CTNNBIP1: variants seen among roughly 807,000 people sequenced by gnomAD.
CTNNBIP1 encodes the protein catenin beta interacting protein 1, also known as beta-catenin-interacting protein 1.
A neutral mutation model predicts 11.8 loss-of-function variants in CTNNBIP1; 7 were observed. The ratio of observed to expected loss-of-function variants is 0.60; its 90% CI spans 0.34 to 1.12. The LOEUF (loss-of-function observed/expected upper bound fraction) is 1.12. Ranked by LOEUF, CTNNBIP1 falls within the 50% of genes most tolerant of loss-of-function variation. The probability of loss-of-function intolerance (pLI) is 0.03; values close to 1 mark genes in which losing one functional copy is unlikely to be tolerated. For missense variants in CTNNBIP1, 101 were observed against 113.4 expected (o/e 0.89, Z 0.50); for synonymous variants, 58 against 43.9 (o/e 1.32, Z -1.26).
chr1:9,890,346 G>A (rs1263466533), intron 1 of CTNNBIP1, among the ~76,000 whole-genome samples: 3 of 152,194 alleles, frequency 2.0e-5, no homozygotes, highest in Admixed American at 6.5e-5. Context: ...CCAAGGGGAC[G>A]TGCTGGTGGA....
At chr1:9,879,481 C>T (rs183319417) in intron 2 of CTNNBIP1, among the ~76,000 whole-genome samples, 1 of 150,020 alleles carries the variant, frequency 6.7e-6, no homozygotes, top group Admixed American at 6.6e-5. Flanking sequence ...CTGTAAACCT[C>T]TGACTCTCTG....
At position 9,864,181 on chromosome 1, in the gene CTNNBIP1, C is replaced by T. The variant is rs143084275; in HGVS notation, c.187+7006G>A. Among the ~76,000 whole-genome samples the T allele has an allele frequency of 2.0e-3, 299 of 152,206 alleles. 2 individuals carry two copies. Among genetic ancestry groups the T allele is most frequent in the African/African-American group, 6.7e-3 (277 of 41,526 alleles). ...GGAACAGGCCTGGGAGCCCCGGTGC[C>T]AGCACACAGCTCCCAGAGACAAGAA... is the stretch of plus-strand genomic sequence containing the variant. On this transcript the variant is annotated intron_variant, in intron 5 of 5. Coordinates refer to ENST00000377263, the MANE Select transcript of CTNNBIP1 (RefSeq NM_020248.3).
At chr1:9,887,752 G>A (rs975142154) in intron 1 of CTNNBIP1, among the ~76,000 whole-genome samples, 1 of 151,716 alleles carries the variant, frequency 6.6e-6, no homozygotes, top group African/African-American at 2.4e-5. Context: ...AAAGAAAAAC[G>A]GCTAGAGTCC....
intron 1 of CTNNBIP1, among the ~76,000 whole-genome samples, chr1:9,892,300 T>C (rs1310394654): frequency 1.6e-4 from 24 of 151,746 alleles, no homozygotes; most frequent in Admixed American, 1.6e-3. Flanking sequence ...TGGGTGCCTG[T>C]GGTCCCAGCT....
chr1:9,871,286 T>C lies in CTNNBIP1; in HGVS notation c.97-9A>G. 1.3e-6 allele frequency: 2 copies of C among 1,557,094 alleles called. No individual in the cohort carries two copies. Among genetic ancestry groups the C allele is most frequent in the Non-Finnish European group, 1.7e-6 (2 of 1,149,754 alleles). On this transcript the variant is annotated splice_polypyrimidine_tract_variant and intron_variant, in intron 4 of 5. Transcript: ENST00000377263. This position sits in a 1 kb window ranked among gnomAD's most constrained non-coding sequence, Gnocchi z 5.2. Reference sequence around the variant, plus strand: ...TCCTCGCTGGCTGTCAGCTGCAGGGTGAGAGAGCTGTGGTGAGGGGCAGCA... The same window carrying C: ...TCCTCGCTGGCTGTCAGCTGCAGGGCGAGAGAGCTGTGGTGAGGGGCAGCA...
At chr1:9,909,226 T>A (rs1639681863) in intron 1 of CTNNBIP1, among the ~76,000 whole-genome samples, 1 of 152,238 alleles carries the variant, frequency 6.6e-6, no homozygotes, top group African/African-American at 2.4e-5. Flanking sequence ...TGGCCAGACA[T>A]GTTCCTCTCA....
intron 2 of CTNNBIP1, among the ~76,000 whole-genome samples, chr1:9,881,959 T>C (rs1639092088): frequency 6.6e-6 from 1 of 152,060 alleles, no homozygotes; most frequent in South Asian, 2.1e-4. Context: ...TAATACATGA[T>C]AATGAGCCAA....
chr1:9,909,059 T>A (rs773660465), intron 1 of CTNNBIP1, among the ~76,000 whole-genome samples: 11 of 152,180 alleles, frequency 7.2e-5, no homozygotes, highest in Admixed American at 1.3e-4. Flanking sequence ...GCACAAGAGA[T>A]CAGTTATCAC....
intron 1 of CTNNBIP1, among the ~76,000 whole-genome samples, chr1:9,900,611 A>G (rs1229990941): frequency 1.3e-5 from 2 of 152,230 alleles, no homozygotes; most frequent in African/African-American, 4.8e-5. Context: ...CCCTTGTGCC[A>G]GCAGCAGCAG....
Position 9,851,193 on chromosome 1 carries a change from G to T in CTNNBIP1, c.188-417C>A, listed in dbSNP as rs760869250. 6.6e-6 allele frequency among the ~76,000 whole-genome samples: 1 copy of T among 152,126 alleles called. No individual in the cohort carries two copies. Among genetic ancestry groups the T allele is most frequent in the Non-Finnish European group, 1.5e-5 (1 of 68,036 alleles). On this transcript the variant is annotated intron_variant, in intron 5 of 5. Coordinates refer to ENST00000377263, the MANE Select transcript of CTNNBIP1 (RefSeq NM_020248.3). This position sits in a 1 kb window ranked among gnomAD's most constrained non-coding sequence, Gnocchi z 4.8. Reference sequence around the variant, plus strand: ...ACTCGCGTCTTGATGCCTTCGGAGGGTCTGGCTCACTGTGGTTTTAAATAG... The same window carrying T: ...ACTCGCGTCTTGATGCCTTCGGAGGTTCTGGCTCACTGTGGTTTTAAATAG...
At chr1:9,873,796 G>A (rs543190070) in intron 3 of CTNNBIP1, among the ~76,000 whole-genome samples, 1 of 152,224 alleles carries the variant, frequency 6.6e-6, no homozygotes, top group South Asian at 2.1e-4. Context: ...GTGTAGTGGC[G>A]CGATCATAGC....
intron 1 of CTNNBIP1, among the ~76,000 whole-genome samples, chr1:9,898,529 GA>G (rs935122800): frequency 1.2e-4 from 17 of 145,826 alleles, no homozygotes; most frequent in African/African-American, 2.5e-4. Flanking sequence ...TCTCAAAAGG[GA>G]AAAAAAAAAT....
At position 9,867,864 on chromosome 1, in the gene CTNNBIP1, A is replaced by C. The variant is rs1052590940; in HGVS notation, c.187+3323T>G. On this transcript the variant is annotated intron_variant, in intron 5 of 5. Coordinates refer to ENST00000377263, the MANE Select transcript of CTNNBIP1 (RefSeq NM_020248.3). This position sits in a 1 kb window ranked among gnomAD's most constrained non-coding sequence, Gnocchi z 4.6. ...TCAGCTGAGATTGGCTCTGCGATGG[A>C]GAAGGTGGGCAGGTGAGATTTTAAC... is the stretch of plus-strand genomic sequence containing the variant. Among the ~76,000 whole-genome samples the C allele has an allele frequency of 4.6e-5, 7 of 152,226 alleles. No homozygotes were observed. Among genetic ancestry groups the C allele is most frequent in the Non-Finnish European group, 1.5e-5 (1 of 68,044 alleles).
chr1:9,900,126 G>A (rs902950647), intron 1 of CTNNBIP1, among the ~76,000 whole-genome samples: 5 of 151,554 alleles, frequency 3.3e-5, no homozygotes, highest in African/African-American at 9.7e-5. Flanking sequence ...GGTGGAGGCC[G>A]GGTGCTGTGG....
intron 3 of CTNNBIP1, among the ~76,000 whole-genome samples, chr1:9,877,166 T>C (rs1638984566): frequency 6.6e-6 from 1 of 152,204 alleles, no homozygotes. Context: ...TAGGAGGTAG[T>C]GCAAGAGGGA....
At chr1:9,862,370 A>G (rs1638649570) in intron 5 of CTNNBIP1, among the ~76,000 whole-genome samples, 1 of 152,184 alleles carries the variant, frequency 6.6e-6, no homozygotes, top group African/African-American at 2.4e-5. Context: ...GGCATGCACC[A>G]CCGTGCCTGC....
chr1:9,908,804 C>T (rs1639672185), intron 1 of CTNNBIP1, among the ~76,000 whole-genome samples: 1 of 152,170 alleles, frequency 6.6e-6, no homozygotes, highest in African/African-American at 2.4e-5. Context: ...AGGGCAGAAA[C>T]CGTGTCTGTC....
chr1:9,909,433 G>A (rs1424985592), intron 1 of CTNNBIP1, among the ~76,000 whole-genome samples: 6 of 152,198 alleles, frequency 3.9e-5, no homozygotes, highest in African/African-American at 1.2e-4. Flanking sequence ...GGCAGAGGGA[G>A]GGATGGAGGG....
chr1:9,901,767 C>T (rs1639527301), intron 1 of CTNNBIP1, among the ~76,000 whole-genome samples: 1 of 152,184 alleles, frequency 6.6e-6, no homozygotes, highest in South Asian at 2.1e-4. Context: ...GCTGTGCAGG[C>T]CTTGCCTTCC....
Sources: gnomAD v4.1 joint callset for allele counts (sites outside exome capture counted in the v4.1 genomes callset) on GRCh38, gnomAD v4.1.1 for gene constraint, Gnocchi (gnomAD v3.1) non-coding constraint, MANE v1.5 for transcripts, NCBI Gene and HGNC (gene_info 2026-07-23, HGNC 2026-07-21) for gene names.